The following TNRC6B variants were observed in gnomAD, a reference collection of about 807,000 sequenced individuals.
TNRC6B encodes the protein trinucleotide repeat-containing gene 6B protein.
A neutral mutation model predicts 203.6 loss-of-function variants in TNRC6B; 52 were observed. The observed-to-expected ratio is 0.26, with a 90% confidence interval of 0.20 to 0.32. The LOEUF is 0.32. TNRC6B is among the 10% of genes least tolerant of loss of function. The probability of loss-of-function intolerance (pLI) is 1.00; values close to 1 mark genes in which losing one functional copy is unlikely to be tolerated. For synonymous variants in TNRC6B, 838 were observed against 845.7 expected (o/e 0.99, Z 0.16); for missense variants, 1,923 against 2,286.2 (o/e 0.84, Z 3.24).
chr22:40,158,387 T>TAAAG, intron 4 of TNRC6B, among the ~76,000 whole-genome samples: 1 of 140,890 alleles, frequency 7.1e-6, no homozygotes, highest in African/African-American at 2.6e-5. Context: ...AATAAATAAA[T>TAAAG]AAAGAGGGAG....
chr22:40,257,774 G>C (rs1377153601), intron 3 of TNRC6B, among the ~76,000 whole-genome samples: 4 of 152,066 alleles, frequency 2.6e-5, no homozygotes, highest in Non-Finnish European at 1.5e-5. Context: ...TATAATCCCA[G>C]CACTTTGGGA....
At chr22:40,128,424 A>G (rs2068512723) in intron 3 of TNRC6B, among the ~76,000 whole-genome samples, 1 of 152,176 alleles carries the variant, frequency 6.6e-6, no homozygotes, top group Non-Finnish European at 1.5e-5. Flanking sequence ...GGTTTTGAGG[A>G]AAAGTAGAGA....
intron 1 of TNRC6B, among the ~76,000 whole-genome samples, chr22:40,107,651 G>A (rs1221234179): frequency 1.3e-5 from 2 of 151,880 alleles, no homozygotes; most frequent in African/African-American, 2.4e-5. Context: ...ATTTAAGCTC[G>A]CTACATAAAA....
intron 1 of TNRC6B, among the ~76,000 whole-genome samples, chr22:40,111,126 GGTTT>G (rs1167504354): frequency 6.6e-6 from 1 of 152,194 alleles, no homozygotes; most frequent in Non-Finnish European, 1.5e-5. Flanking sequence ...TCACAGAACA[GGTTT>G]CCCTAAGCCT....
chr22:40,071,075 C>G (rs1000636015), intron 1 of TNRC6B, among the ~76,000 whole-genome samples: 3 of 152,096 alleles, frequency 2.0e-5, no homozygotes, highest in African/African-American at 7.2e-5. Flanking sequence ...TTTCTTAGCT[C>G]TAATGTTTGC....
chr22:40,272,048 T>C (rs1436022542), intron 6 of TNRC6B, among the ~76,000 whole-genome samples: 3 of 152,200 alleles, frequency 2.0e-5, no homozygotes, highest in Non-Finnish European at 4.4e-5. Flanking sequence ...GGGGTCAGTG[T>C]GTTATTTATA....
In TNRC6B at chr22:40,087,002, C is replaced by T. The variant is rs150487756; in HGVS notation, c.-120-30053C>T. 9.9e-3 allele frequency among the ~76,000 whole-genome samples: 1,500 copies of T among 152,248 alleles called. 26 individuals carry two copies. The highest frequency in any genetic ancestry group is 0.034 in the African/African-American group (1,404 of 41,522). On this transcript the variant is annotated intron_variant, in intron 1 of 23. Transcript: ENST00000301923. ...CCCCCGTCCCTGTAGGCTCCCCTCT[C>T]ACAGACACAAGCCTTCTTCCTGGCA...
At chr22:40,275,357 T>C (rs993365512) in intron 7 of TNRC6B, among the ~76,000 whole-genome samples, 4 of 152,204 alleles carry the variant, frequency 2.6e-5, no homozygotes, top group African/African-American at 9.7e-5. Context: ...CCTCTCTAGG[T>C]TGACAACCAA....
intron 15 of TNRC6B, among the ~76,000 whole-genome samples, chr22:40,305,794 C>T (rs1186295541): frequency 6.6e-6 from 1 of 152,140 alleles, no homozygotes; most frequent in Non-Finnish European, 1.5e-5. Context: ...GAGAAAAGTG[C>T]CCGCTTTCTC....
At position 40,310,903 on chromosome 22, in the gene TNRC6B, A is replaced by T. The variant is rs1334389286; in HGVS notation, c.4345A>T (p.Thr1449Ser). The change falls in exon 17 of 23, where the codon ACG becomes TCG. Residue 1449 changes from threonine (T) to serine (S), a missense_variant. Physicochemically the swap from Thr to Ser is moderately conservative, Grantham distance 58. Coordinates refer to ENST00000454349, the MANE Select transcript of TNRC6B (RefSeq NM_001162501.2). ...CCCTGGTGACACACTGGGTGGCCAT[A>T]CGGGTCCTGCTGGTGATAGCTGGTT... ...IIPGDTLGGH[T>S]GPAGDSWLPA... is the part of the protein sequence containing the mutation. 6.2e-7 allele frequency: 1 copy of T among 1,611,958 alleles called. No homozygotes were observed. Among genetic ancestry groups the T allele is most frequent in the Admixed American group, 1.7e-5 (1 of 59,812 alleles).
chr22:40,271,436 C>G (rs142573420), intron 6 of TNRC6B, among the ~76,000 whole-genome samples: 152 of 152,312 alleles, frequency 1.0e-3, no homozygotes, highest in African/African-American at 3.6e-3. Context: ...GATATTAGCT[C>G]TATTCTGGAA....
chr22:40,140,542 C>A (rs2068635858), intron 3 of TNRC6B, among the ~76,000 whole-genome samples: 2 of 152,170 alleles, frequency 1.3e-5, no homozygotes, highest in Non-Finnish European at 2.9e-5. Flanking sequence ...AGTGACCATA[C>A]CAGTCCTTGA....
chr22:40,266,980 G>C lies in TNRC6B; in HGVS notation c.2750G>C (p.Gly917Ala), dbSNP rs143708410. The change falls in exon 5 of 23, where the codon GGC (glycine) becomes GCC (alanine). Residue 917 changes from glycine (G) to alanine (A), a missense_variant. By Grantham distance (60) the Gly-to-Ala change is moderately conservative. Around this residue, in one of 8 missense-constraint regions of TNRC6B, gnomAD observed 599 missense variants for 656.5 expected, o/e 0.91. Coordinates refer to ENST00000454349, the MANE Select transcript of TNRC6B (RefSeq NM_001162501.2). Reference protein sequence around the residue: ...VNLWDKNSQGGPAPREPNLPT... With the variant: ...VNLWDKNSQGAPAPREPNLPT... ...CTGTGGGATAAGAATTCCCAAGGGG[G>C]CCCAGCACCTCGAGAACCAAACCTG... The C allele has an allele frequency of 4.3e-3, 6,894 of 1,612,418 alleles. 24 individuals carry two copies. Among genetic ancestry groups the C allele is most frequent in the Non-Finnish European group, 5.2e-3 (6,107 of 1,179,214 alleles).
chr22:40,135,343 C>T (rs2068590692), intron 3 of TNRC6B, among the ~76,000 whole-genome samples: 1 of 152,192 alleles, frequency 6.6e-6, no homozygotes, highest in African/African-American at 2.4e-5. Flanking sequence ...CTTTCATCCA[C>T]CATACAGCGA....
At position 40,266,751 on chromosome 22, in the gene TNRC6B, G is replaced by A. The variant is rs1275344035; in HGVS notation, c.2521G>A (p.Gly841Arg). ...ACAACCAGAGGCTTCTGGTTCGTGG[G>A]GAGGCCCACCCCCACCACCTCCAGG... The part of the protein sequence containing the change: ...PPQPEASGSW[G>R]GPPPPPPGNV... The change falls in exon 5 of 23, where the codon GGA (glycine) becomes AGA (arginine). Residue 841 changes from glycine (G) to arginine (R), a missense_variant. Gly to Arg is a moderately radical substitution (Grantham distance 125). This residue lies in a region of TNRC6B where 599 missense variants were observed against 656.5 expected (regional missense o/e 0.91). Transcript: ENST00000454349. 1.2e-6 allele frequency: 2 copies of A among 1,613,768 alleles called. No homozygotes were observed. The highest frequency in any genetic ancestry group is 1.7e-5 in the Admixed American group (1 of 59,992).
chr22:40,098,792 A>G (rs1479784388), intron 1 of TNRC6B, among the ~76,000 whole-genome samples: 4 of 151,962 alleles, frequency 2.6e-5, no homozygotes, highest in Non-Finnish European at 5.9e-5. Flanking sequence ...CAGTGGTATG[A>G]TCATAGCTCA....
intron 2 of TNRC6B, among the ~76,000 whole-genome samples, chr22:40,122,615 C>T (rs76465073): frequency 6.6e-6 from 1 of 152,292 alleles, no homozygotes; most frequent in African/African-American, 2.4e-5. Flanking sequence ...CTGTTACCTT[C>T]TCTGGAGTGG....
intron 1 of TNRC6B, among the ~76,000 whole-genome samples, chr22:40,235,185 G>A (rs562933293): frequency 2.0e-4 from 31 of 152,252 alleles, no homozygotes; most frequent in Non-Finnish European, 3.7e-4. Flanking sequence ...AGGAAATAAT[G>A]TTCATACAAG....
intron 1 of TNRC6B, among the ~76,000 whole-genome samples, chr22:40,062,735 A>G (rs540508590): frequency 3.9e-5 from 6 of 152,220 alleles, no homozygotes; most frequent in African/African-American, 1.4e-4. Flanking sequence ...GTTTTCATGC[A>G]CTTATTGGCT....
Sources: allele counts gnomAD v4.1 joint callset (sites outside exome capture counted in the v4.1 genomes callset), GRCh38; gene constraint gnomAD v4.1.1; regional missense constraint gnomAD v4.1.1; transcripts MANE v1.5; gene names NCBI Gene and HGNC (gene_info 2026-07-23, HGNC 2026-07-21).